CLDN16: variants seen among roughly 807,000 people sequenced by gnomAD.
The protein encoded by CLDN16 is claudin-16.
CLDN16 carries 13 observed loss-of-function variants against 24.6 expected under a neutral mutation model. The ratio of observed to expected loss-of-function variants is 0.53; its 90% confidence interval spans 0.34 to 0.84. The LOEUF (loss-of-function observed/expected upper bound fraction) is 0.84. CLDN16 is among the 40% of genes least tolerant of loss of function. The probability of loss-of-function intolerance (pLI) is 0.01; values close to 1 mark genes in which losing one functional copy is unlikely to be tolerated. For missense variants in CLDN16, 298 were observed against 292.7 expected, an observed-to-expected ratio of 1.02 and a Z score of -0.13; for synonymous variants, 116 against 106.7, an observed-to-expected ratio of 1.09 and a Z score of -0.54.
chr3:190,395,248 T>A (rs1718788082), intron 1 of CLDN16, among the ~76,000 whole-genome samples: 1 of 152,104 alleles, frequency 6.6e-6, no homozygotes, highest in Non-Finnish European at 1.5e-5. Flanking sequence ...TCTTATGATT[T>A]ATACCTTTAG....
rs1282707603 is a variant in CLDN16, at chr3:190,410,954, C to T, written c.*918C>T. On this transcript the variant is annotated 3_prime_UTR_variant, in exon 5 of 5. Transcript: ENST00000264734. ...TTTGATATAAATAAATAAACGTTCACGACTTTACTTAAAAAATCAATGTTG... is the reference window on the plus strand; with the variant it reads ...TTTGATATAAATAAATAAACGTTCATGACTTTACTTAAAAAATCAATGTTG... 5 of 152,082 alleles carry T rather than the reference C, an allele frequency of 3.3e-5. No individual in the cohort carries two copies. Among genetic ancestry groups the T allele is most frequent in the Non-Finnish European group, 7.4e-5 (5 of 68,022 alleles). 9.4% of individuals were successfully genotyped at this position (152,082 alleles called of 1,614,324 possible). A position where few individuals can be genotyped will look rare whatever the true frequency, so the allele number is the denominator to read the frequency against.
chr3:190,347,145 T>C (rs1173104339), intron 1 of CLDN16, among the ~76,000 whole-genome samples: 1 of 152,156 alleles, frequency 6.6e-6, no homozygotes, highest in African/African-American at 2.4e-5. Flanking sequence ...GCAGAGACGA[T>C]TGACAGAGAG....
intron 1 of CLDN16, among the ~76,000 whole-genome samples, chr3:190,391,591 A>G (rs954729223): frequency 1.3e-5 from 2 of 152,188 alleles, no homozygotes; most frequent in African/African-American, 2.4e-5. Context: ...TTCAAATTGT[A>G]GAAATGGCAG....
chr3:190,401,965 A>T (rs115774017), intron 1 of CLDN16, among the ~76,000 whole-genome samples: 1,557 of 151,352 alleles, frequency 0.01, 26 homozygotes, highest in African/African-American at 0.036. Flanking sequence ...ATATATATAT[A>T]TTTTTTGGTG....
chr3:190,366,353 C>T (rs958257267), intron 1 of CLDN16, among the ~76,000 whole-genome samples: 2 of 151,884 alleles, frequency 1.3e-5, no homozygotes, highest in African/African-American at 2.4e-5. Context: ...AGCATGCCAA[C>T]GCTATGAGTA....
chr3:190,357,607 C>T (rs943903829), intron 1 of CLDN16, among the ~76,000 whole-genome samples: 3 of 151,912 alleles, frequency 2.0e-5, no homozygotes, highest in African/African-American at 7.2e-5. Context: ...AAAGTTCTTC[C>T]CAAAATAATT....
rs144588212 is a variant in CLDN16 at position 190,347,453 on chromosome 3, C to T, written n.122-23440C>T. Among the ~76,000 whole-genome samples the T allele has an allele frequency of 9.1e-3, 1,388 of 152,222 alleles. 30 individuals carry two copies. Among genetic ancestry groups the T allele is most frequent in the African/African-American group, 0.032 (1,332 of 41,530 alleles). Reference sequence around the variant, plus strand: ...AACATATAGTTATAAATGGATATAACGATCTGGCACTCAAAAGAAAGGTCT... The same window carrying T: ...AACATATAGTTATAAATGGATATAATGATCTGGCACTCAAAAGAAAGGTCT... On this transcript the variant is annotated intron_variant and non_coding_transcript_variant, in intron 1 of 4. Transcript: ENST00000468220.
chr3:190,311,790 T>C, the CLDN16 span, among the ~76,000 whole-genome samples: 1 of 151,410 alleles, frequency 6.6e-6, no homozygotes, highest in Non-Finnish European at 1.5e-5. Flanking sequence ...TGTATGTACA[T>C]ATACACACGT....
chr3:190,312,676 A>G, the CLDN16 span, among the ~76,000 whole-genome samples: 1 of 152,166 alleles, frequency 6.6e-6, no homozygotes, highest in Non-Finnish European at 1.5e-5. Flanking sequence ...CAACCAATAG[A>G]CCTGTCAGAT....
intron 1 of CLDN16, among the ~76,000 whole-genome samples, chr3:190,392,000 T>G (rs1718689533): frequency 6.6e-6 from 1 of 152,240 alleles, no homozygotes; most frequent in Admixed American, 6.5e-5. Flanking sequence ...TTTCTTGTCT[T>G]TGGCTCAGTT....
intron 4 of CLDN16, among the ~76,000 whole-genome samples, chr3:190,409,353 G>A (rs1400628177): frequency 2.0e-5 from 3 of 150,940 alleles, no homozygotes; most frequent in Non-Finnish European, 4.4e-5. Flanking sequence ...ATACATATAT[G>A]TGTGTCTATA....
intron 1 of CLDN16, among the ~76,000 whole-genome samples, chr3:190,335,249 G>A (rs960238500): frequency 1.3e-5 from 2 of 151,658 alleles, no homozygotes; most frequent in Non-Finnish European, 2.9e-5. Flanking sequence ...TCACCACGTT[G>A]GCCAGGCTGG....
chr3:190,403,223 T>G (rs923787135), intron 2 of CLDN16, among the ~76,000 whole-genome samples: 1 of 151,896 alleles, frequency 6.6e-6, no homozygotes, highest in Non-Finnish European at 1.5e-5. Context: ...TTCCAGCTAG[T>G]CAGGAGACTG....
chr3:190,388,435 T>C lies in CLDN16; in HGVS notation c.106T>C (p.Ser36Pro), dbSNP rs761873372. ...TDCWMVNADD[S>P]LEVSTKCRGL... is the part of the protein sequence containing the mutation. Reference sequence around the variant, plus strand: ...CTGTTGGATGGTGAATGCTGATGACTCTCTGGAGGTAAGAAGATAGCAGCT... The same window carrying C: ...CTGTTGGATGGTGAATGCTGATGACCCTCTGGAGGTAAGAAGATAGCAGCT... Residue 36 changes from serine to proline, a missense_variant, in exon 1 of 5, where the codon TCT becomes CCT. Ser to Pro is a moderately conservative substitution (Grantham distance 74). Transcript: ENST00000264734. The C allele has an allele frequency of 3.5e-5, 56 of 1,613,898 alleles. No homozygotes were observed. The Admixed American group carries it at 8.5e-4, about 25-fold the overall frequency.
At chr3:190,344,558 A>C (rs1239786876) in intron 1 of CLDN16, among the ~76,000 whole-genome samples, 2 of 151,906 alleles carry the variant, frequency 1.3e-5, no homozygotes, top group Non-Finnish European at 2.9e-5. Flanking sequence ...CATTTGTATA[A>C]ATGTGAAAAT....
At chr3:190,359,771 T>A (rs1717847946) in intron 1 of CLDN16, among the ~76,000 whole-genome samples, 1 of 151,832 alleles carries the variant, frequency 6.6e-6, no homozygotes, top group Non-Finnish European at 1.5e-5. Context: ...GCAGAGAAAA[T>A]GGTTAGAATA....
At chr3:190,362,595 G>C (rs1327998302) in intron 1 of CLDN16, among the ~76,000 whole-genome samples, 2 of 151,986 alleles carry the variant, frequency 1.3e-5, no homozygotes, top group Admixed American at 6.6e-5. Flanking sequence ...CCCGTGTCTT[G>C]ATAAATTGGC....
At chr3:190,394,137 A>G (rs1718756093) in intron 1 of CLDN16, among the ~76,000 whole-genome samples, 1 of 152,206 alleles carries the variant, frequency 6.6e-6, no homozygotes. Context: ...AAGGTTATTT[A>G]TCAAATGCTC....
the CLDN16 span, among the ~76,000 whole-genome samples, chr3:190,295,400 G>C: frequency 6.6e-6 from 1 of 152,182 alleles, no homozygotes; most frequent in Non-Finnish European, 1.5e-5. Flanking sequence ...GGACAGAAAG[G>C]ATTAATCCTA....
Sources: allele counts gnomAD v4.1 joint callset (sites outside exome capture counted in the v4.1 genomes callset), GRCh38; gene constraint gnomAD v4.1.1; transcripts MANE v1.5; gene names NCBI Gene and HGNC (gene_info 2026-07-23, HGNC 2026-07-21).